Variants in SPMIP7 observed in about 807,000 individuals in gnomAD.
The protein encoded by SPMIP7 is protein SPMIP7.
the SPMIP7 span, among the ~76,000 whole-genome samples, chr7:50,097,348 A>G: frequency 6.6e-6 from 1 of 152,220 alleles, no homozygotes; most frequent in African/African-American, 2.4e-5. Flanking sequence ...TAGGAAGAAT[A>G]CTTTTAAACA....
chr7:50,155,851 G>T, the SPMIP7 span, among the ~76,000 whole-genome samples: 1 of 151,892 alleles, frequency 6.6e-6, no homozygotes. Context: ...CACACATACT[G>T]CACATACAGC....
At chr7:50,135,147 G>T in the SPMIP7 span, among the ~76,000 whole-genome samples, 1 of 152,176 alleles carries the variant, frequency 6.6e-6, no homozygotes, top group African/African-American at 2.4e-5. Context: ...TATGCTAGGT[G>T]AATCTCAAGA....
the SPMIP7 span, among the ~76,000 whole-genome samples, chr7:50,133,427 G>A: frequency 1.3e-5 from 2 of 152,220 alleles, no homozygotes; most frequent in African/African-American, 4.8e-5. Flanking sequence ...CTTAAGCAAA[G>A]GAAATCAGTT....
chr7:50,108,635 ATGATGACTCCAGC>A, the SPMIP7 span, among the ~76,000 whole-genome samples: 1 of 152,304 alleles, frequency 6.6e-6, no homozygotes, highest in East Asian at 1.9e-4. Context: ...ATTTCAGACT[ATGATGACTCCAGC>A]TGATGGGAGT....
chr7:50,118,292 A>T, the SPMIP7 span, among the ~76,000 whole-genome samples: 14 of 152,136 alleles, frequency 9.2e-5, no homozygotes, highest in African/African-American at 3.4e-4. Flanking sequence ...TTTGCACTCC[A>T]CAAAGCTCTT....
the SPMIP7 span, chr7:50,104,365 G>T: frequency 6.5e-7 from 1 of 1,539,608 alleles, no homozygotes; most frequent in South Asian, 1.2e-5. Context: ...CATGAAGGAC[G>T]CTCATTAAGT....
chr7:50,099,269 T>C, the SPMIP7 span, among the ~76,000 whole-genome samples: 1 of 152,200 alleles, frequency 6.6e-6, no homozygotes, highest in African/African-American at 2.4e-5. Context: ...TCATTAAAAG[T>C]GCGGTACTAA....
chr7:50,098,985 C>T, the SPMIP7 span, among the ~76,000 whole-genome samples: 28 of 152,310 alleles, frequency 1.8e-4, no homozygotes, highest in South Asian at 3.9e-3. Flanking sequence ...AAACAACCCC[C>T]TATTTCCCTC....
At chr7:50,102,155 C>A in the SPMIP7 span, among the ~76,000 whole-genome samples, 1 of 152,116 alleles carries the variant, frequency 6.6e-6, no homozygotes, top group South Asian at 2.1e-4. Context: ...GAAACCCCGT[C>A]TCTACTAAAA....
At chr7:50,111,101 T>G in the SPMIP7 span, among the ~76,000 whole-genome samples, 1 of 146,954 alleles carries the variant, frequency 6.8e-6, no homozygotes, top group Middle Eastern at 3.6e-3. Context: ...TATATGTGTA[T>G]ATGTTATATA....
the SPMIP7 span, among the ~76,000 whole-genome samples, chr7:50,115,083 C>T: frequency 6.7e-6 from 1 of 150,044 alleles, no homozygotes; most frequent in Non-Finnish European, 1.5e-5. Context: ...ACAAGAAAAC[C>T]ATGTGAAATA....
At chr7:50,107,368 AAAAAAAAAAAAAAAAAAG>A in the SPMIP7 span, among the ~76,000 whole-genome samples, 1 of 74,686 alleles carries the variant, frequency 1.3e-5, no homozygotes, top group South Asian at 4.0e-4. Flanking sequence ...GTCTCAAAAA[AAAAAAAAAAAAAAAAAAG>A]AAAAGAAAAG....
chr7:50,135,585 T>A, the SPMIP7 span, among the ~76,000 whole-genome samples: 1 of 152,230 alleles, frequency 6.6e-6, no homozygotes, highest in African/African-American at 2.4e-5. Context: ...ATCTAGCTAA[T>A]TTTAAAGGAT....
chr7:50,135,089 T>A, the SPMIP7 span, among the ~76,000 whole-genome samples: 1 of 152,202 alleles, frequency 6.6e-6, no homozygotes, highest in Non-Finnish European at 1.5e-5. Flanking sequence ...GTTTCCAGGT[T>A]GTGTGCTTTG....
At chr7:50,145,779 A>G in the SPMIP7 span, among the ~76,000 whole-genome samples, 8 of 150,742 alleles carry the variant, frequency 5.3e-5, no homozygotes. Context: ...ACAGAGCAGC[A>G]CAGCCCATGC....
At chr7:50,102,457 A>T in the SPMIP7 span, among the ~76,000 whole-genome samples, 3 of 152,110 alleles carry the variant, frequency 2.0e-5, no homozygotes, top group African/African-American at 7.2e-5. Context: ...TTATTTCCTC[A>T]TGCACTGTCA....
the SPMIP7 span, among the ~76,000 whole-genome samples, chr7:50,149,255 T>A: frequency 6.6e-6 from 1 of 151,594 alleles, no homozygotes; most frequent in Non-Finnish European, 1.5e-5. Context: ...TCTTTTCAGC[T>A]GTCTGTACTG....
chr7:50,159,230 G>A, the SPMIP7 span: 1 of 1,524,742 alleles, frequency 6.6e-7, no homozygotes, highest in African/African-American at 1.4e-5. Flanking sequence ...TGCGGCGGTG[G>A]GAAATAAAGG....
At chr7:50,141,201 G>T in the SPMIP7 span, 1 of 900,658 alleles carries the variant, frequency 1.1e-6, no homozygotes, top group East Asian at 2.7e-5. Context: ...ATTTCCTTTG[G>T]AAGTTAGAAT....
Sources: allele counts gnomAD v4.1 joint callset (sites outside exome capture counted in the v4.1 genomes callset), GRCh38; gene constraint gnomAD v4.1.1; transcripts MANE v1.5; gene names NCBI Gene and HGNC (gene_info 2026-07-23, HGNC 2026-07-21).